Variants in KDSR observed in about 807,000 individuals in gnomAD.
KDSR encodes the protein 3-dehydrosphinganine reductase.
KDSR carries 23 observed loss-of-function variants against 41.3 expected under a neutral mutation model. That is an observed-to-expected ratio of 0.56 (90% CI 0.40 to 0.79). The LOEUF is 0.79. KDSR is among the 30% of genes least tolerant of loss of function. The pLI, the probability that KDSR is intolerant of heterozygous loss-of-function variation, is 0.00. For missense variants in KDSR, 351 were observed against 416.8 expected (o/e 0.84, Z 1.37); for synonymous variants, 138 against 151.7 (o/e 0.91, Z 0.66).
At chr18:63,366,894 T>A (rs1915155382) in intron 1 of KDSR, 117 bp downstream of exon 1, 2 of 470,884 alleles carry the variant, frequency 4.2e-6, no homozygotes, top group African/African-American at 2.0e-5. Context: ...CTTCCCCATT[T>A]GGCCATGCCT....
At chr18:63,361,530 G>A (rs1034507138) in intron 2 of KDSR, among the ~76,000 whole-genome samples, 8 of 151,810 alleles carry the variant, frequency 5.3e-5, no homozygotes, top group African/African-American at 1.5e-4. Flanking sequence ...AGTTATAGAC[G>A]TCCAGGCCAG....
chr18:63,357,212 G>A (rs942869546), intron 3 of KDSR, among the ~76,000 whole-genome samples: 2 of 152,120 alleles, frequency 1.3e-5, no homozygotes, highest in Admixed American at 6.6e-5. Flanking sequence ...GGGATGTGGC[G>A]CAACAGAAAC....
intron 5 of KDSR, among the ~76,000 whole-genome samples, chr18:63,351,958 A>AT (rs1054542967): frequency 2.0e-5 from 3 of 151,802 alleles, no homozygotes; most frequent in African/African-American, 2.4e-5. Context: ...TAATTTTTGT[A>AT]TTTTTTGTAG....
chr18:63,355,253 C>T lies in KDSR; in HGVS notation c.368G>A (p.Gly123Glu). ...GPVDMLVNCA[G>E]MAVSGKFEDL... ...TTCAAATTTTCCTGACACTGCCATT[C>T]CTGCACAATTTACCAGCATGTCCAC... The change falls in exon 5 of 10, where the codon GGA (glycine) becomes GAA (glutamate). Residue 123 changes from glycine to glutamate, a missense_variant. Gly to Glu is a moderately conservative substitution (Grantham distance 98, BLOSUM62 -2). Coordinates refer to ENST00000645214, the MANE Select transcript of KDSR (RefSeq NM_002035.4). 19 of 1,614,170 alleles carry T rather than the reference C, an allele frequency of 1.2e-5. No homozygotes were observed. The highest frequency in any genetic ancestry group is 1.6e-5 in the Non-Finnish European group (19 of 1,180,012).
chr18:63,357,594 A>ATATT (rs1555715128), intron 3 of KDSR, among the ~76,000 whole-genome samples: 12 of 120,780 alleles, frequency 9.9e-5, no homozygotes, highest in East Asian at 2.4e-4. Flanking sequence ...ATATATATAT[A>ATATT]TTTTTTTTTG....
Position 63,359,178 on chromosome 18 carries a change from C to CAAA in KDSR, c.255+555_255+557dup, listed in dbSNP as rs74169959. Among the ~76,000 whole-genome samples, 275 of 36,860 alleles carry CAAA rather than the reference C, an allele frequency of 7.5e-3. 3 individuals are homozygous for CAAA. The highest frequency in any genetic ancestry group is 0.021 in the East Asian group (31 of 1,454). 24.2% of individuals were successfully genotyped at this position (36,860 alleles called of 152,430 possible). A position where few individuals can be genotyped will look rare whatever the true frequency, so the allele number is the denominator to read the frequency against. Reference sequence around the variant, plus strand: ...TGGATGACAGATTGAGACACTGCCTCAAAAAAAAAAAAAAAAAAAAAAAGG... The same window carrying CAAA: ...TGGATGACAGATTGAGACACTGCCTCAAAAAAAAAAAAAAAAAAAAAAAAAAGG... On this transcript the variant is annotated intron_variant, in intron 3 of 9. Coordinates refer to ENST00000645214, the MANE Select transcript of KDSR (RefSeq NM_002035.4).
intron 3 of KDSR, among the ~76,000 whole-genome samples, chr18:63,358,901 G>T (rs1376998329): frequency 1.0e-4 from 15 of 150,040 alleles, no homozygotes; most frequent in African/African-American, 2.2e-4. Flanking sequence ...AAAAGAGGCA[G>T]GGCACAGTGG....
chr18:63,331,602 A>C lies in KDSR; in HGVS notation c.*180T>G. 1.8e-6 allele frequency: 1 copy of C among 551,876 alleles called. No individual in the cohort carries two copies. Among genetic ancestry groups the C allele is most frequent in the Non-Finnish European group, 3.2e-6 (1 of 313,198 alleles). The allele number at this position is 551,876 out of a possible 1,614,324, so 34.2% of individuals were successfully genotyped here. A position where few individuals can be genotyped will look rare whatever the true frequency, so the allele number is the denominator to read the frequency against. On this transcript the variant is annotated 3_prime_UTR_variant, in exon 10 of 10. Transcript: ENST00000645214. ...TATTCCATATTTGCATAGTATTAAT[A>C]ATACTGTCAGGAGGTGAACTTCTAG... is the stretch of plus-strand genomic sequence containing the variant.
intron 6 of KDSR, chr18:63,345,032 T>C (rs1299228014): frequency 3.3e-5 from 5 of 152,650 alleles, no homozygotes; most frequent in African/African-American, 9.6e-5. Context: ...AGTCCAGAAC[T>C]GTCCCTGAGA....
chr18:63,353,804 T>C (rs1914723523), intron 5 of KDSR, among the ~76,000 whole-genome samples: 5 of 151,744 alleles, frequency 3.3e-5, no homozygotes, highest in African/African-American at 1.2e-4. Context: ...TTGTCAGAGA[T>C]TGGGTGTGGG....
In KDSR at chr18:63,355,538, A is replaced by G. The variant is rs11549944; in HGVS notation, c.281T>C (p.Val94Ala). The change falls in exon 4 of 10, where the codon GTA (valine) becomes GCA (alanine). Residue 94 changes from valine (V) to alanine (A), a missense_variant. Physicochemically the swap from Val to Ala is moderately conservative, Grantham distance 64. Coordinates refer to ENST00000645214, the MANE Select transcript of KDSR (RefSeq NM_002035.4). ...CTCTACTTGGTTATAGTCTTGAGAT[A>G]CATCAACTGATATGCAAAGCACCAC... is the stretch of plus-strand genomic sequence containing the variant. The part of the protein sequence containing the change: ...KQVVLCISVD[V>A]SQDYNQVENV... 6.2e-7 allele frequency: 1 copy of G among 1,601,282 alleles called. No individual in the cohort carries two copies. The highest frequency in any genetic ancestry group is 8.5e-7 in the Non-Finnish European group (1 of 1,176,832).
intron 1 of KDSR, chr18:63,366,304 T>A (rs1261896388): frequency 2.0e-5 from 3 of 152,288 alleles, no homozygotes; most frequent in African/African-American, 7.2e-5. Flanking sequence ...AGCTCATCCT[T>A]CCCACTAGAA....
chr18:63,345,817 C>G (rs1203056710), intron 6 of KDSR: 2 of 151,740 alleles, frequency 1.3e-5, no homozygotes, highest in African/African-American at 2.4e-5. Flanking sequence ...TGGCGGGTGC[C>G]TATAATCCCA....
intron 7 of KDSR, among the ~76,000 whole-genome samples, chr18:63,340,024 C>G (rs1416907571): frequency 6.6e-5 from 10 of 152,110 alleles, no homozygotes; most frequent in Admixed American, 3.3e-4. Flanking sequence ...TCTTCCAGAC[C>G]CCCAGGCTGG....
intron 6 of KDSR, among the ~76,000 whole-genome samples, chr18:63,348,111 C>A (rs556015335): frequency 2.0e-5 from 3 of 151,750 alleles, no homozygotes; most frequent in Non-Finnish European, 2.9e-5. Context: ...ACATAGCGAG[C>A]GAGACCCCAT....
At chr18:63,335,178 C>G in intron 9 of KDSR, 79 bp downstream of exon 9, 1 of 889,132 alleles carries the variant, frequency 1.1e-6, no homozygotes. Context: ...CCCTTAACCT[C>G]TTCTCATCAA....
intron 4 of KDSR, 90 bp downstream of exon 4, chr18:63,355,408 G>T (rs1914768278): frequency 2.5e-6 from 4 of 1,608,556 alleles, no homozygotes; most frequent in Non-Finnish European, 3.4e-6. Context: ...CTATAGAGAA[G>T]TTGTGTCCAT....
chr18:63,339,639 C>A (rs915234034), intron 7 of KDSR, among the ~76,000 whole-genome samples: 3 of 152,208 alleles, frequency 2.0e-5, no homozygotes, highest in Non-Finnish European at 4.4e-5. Flanking sequence ...CTTCTGTGAA[C>A]ATTTCTGTTT....
chr18:63,358,895 G>A (rs1914880580), intron 3 of KDSR, among the ~76,000 whole-genome samples: 1 of 145,498 alleles, frequency 6.9e-6, no homozygotes, highest in African/African-American at 2.5e-5. Flanking sequence ...AAAAGAAAAA[G>A]AGGCAGGGCA....
Sources: gnomAD v4.1 joint callset for allele counts (sites outside exome capture counted in the v4.1 genomes callset) on GRCh38, gnomAD v4.1.1 for gene constraint, MANE v1.5 for transcripts, NCBI Gene and HGNC (gene_info 2026-07-23, HGNC 2026-07-21) for gene names.